RELL1: variants seen among roughly 807,000 people sequenced by gnomAD.
RELL1 encodes the protein RELT like 1.
In RELL1, 10 loss-of-function variants were observed where a neutral mutation model predicts 23.0. That is an observed-to-expected ratio of 0.43 (90% CI 0.27 to 0.74). RELL1 has a LOEUF of 0.74. RELL1 is among the 30% of genes least tolerant of loss of function. The pLI, the probability that RELL1 is intolerant of heterozygous loss-of-function variation, is 0.19. For missense variants in RELL1, 315 were observed against 364.4 expected (o/e 0.86, Z 1.10); for synonymous variants, 146 against 146.8 (o/e 0.99, Z 0.04).
At chr4:37,676,912 C>T (rs928867378) in intron 1 of RELL1, among the ~76,000 whole-genome samples, 25 of 152,098 alleles carry the variant, frequency 1.6e-4, no homozygotes, top group African/African-American at 5.3e-4. Flanking sequence ...CCTACAATGG[C>T]GAACAAGACA....
At chr4:37,620,647 T>G (rs768347153) in intron 6 of RELL1, among the ~76,000 whole-genome samples, 3 of 152,232 alleles carry the variant, frequency 2.0e-5, no homozygotes, top group African/African-American at 7.2e-5. Flanking sequence ...AAGTTAGATA[T>G]TGCCTCTCTA....
chr4:37,627,475 T>A (rs1719991380), intron 6 of RELL1, among the ~76,000 whole-genome samples: 1 of 152,084 alleles, frequency 6.6e-6, no homozygotes, highest in African/African-American at 2.4e-5. Context: ...ATTGCCAAAA[T>A]AAATCAGGCA....
At chr4:37,600,421 A>G (rs1388917458) in intron 6 of RELL1, among the ~76,000 whole-genome samples, 1 of 152,134 alleles carries the variant, frequency 6.6e-6, no homozygotes, top group African/African-American at 2.4e-5. Context: ...TAATAATACT[A>G]ATTTCTAAAC....
chr4:37,622,141 T>C (rs1719789453), intron 6 of RELL1, among the ~76,000 whole-genome samples: 1 of 152,206 alleles, frequency 6.6e-6, no homozygotes, highest in African/African-American at 2.4e-5. Context: ...CAGTCATTTG[T>C]GAGTAAGACA....
At chr4:37,640,813 T>C (rs1720506082) in intron 3 of RELL1, among the ~76,000 whole-genome samples, 1 of 152,188 alleles carries the variant, frequency 6.6e-6, no homozygotes, top group South Asian at 2.1e-4. Flanking sequence ...CTGATGGATA[T>C]GGATGGCTGA....
chr4:37,612,340 A>AAAC lies in RELL1; in HGVS notation c.*1005_*1006insGTT, dbSNP rs1553872225. ...TAAAGGTTAAAAAAAAAAAAAAAACAAAAAAAAACAAAAAACCGGGTGCAG... is the reference window on the plus strand; with the variant it reads ...TAAAGGTTAAAAAAAAAAAAAAAACAAACAAAAAAAACAAAAAACCGGGTGCAG... On this transcript the variant is annotated 3_prime_UTR_variant, in exon 7 of 7. Coordinates refer to ENST00000454158, the MANE Select transcript of RELL1 (RefSeq NM_001085400.2). Among the ~76,000 whole-genome samples, 4 of 3,076 alleles carry AAAC rather than the reference A, an allele frequency of 1.3e-3. No homozygotes were observed. Among genetic ancestry groups the AAAC allele is most frequent in the Non-Finnish European group, 5.0e-3 (2 of 402 alleles). The allele number at this position is 3,076 out of a possible 152,430, so 2.0% of individuals were successfully genotyped here.
intron 5 of RELL1, among the ~76,000 whole-genome samples, chr4:37,633,047 GC>G (rs1720194620): frequency 6.6e-6 from 1 of 152,126 alleles, no homozygotes; most frequent in Admixed American, 6.6e-5. Context: ...CTGAAAAACA[GC>G]CTGGAATCAT....
At chr4:37,623,335 T>C (rs1719833373) in intron 6 of RELL1, 1 of 154,112 alleles carries the variant, frequency 6.5e-6, no homozygotes, top group Non-Finnish European at 1.4e-5. Context: ...CTGTGAGCTA[T>C]TGAGCTATGT....
At chr4:37,659,305 T>G (rs1345241597) in intron 1 of RELL1, among the ~76,000 whole-genome samples, 1 of 152,042 alleles carries the variant, frequency 6.6e-6, no homozygotes, top group Admixed American at 6.6e-5. Context: ...AAAGAAAACG[T>G]GAGATGAAAA....
At chr4:37,631,364 G>A in intron 6 of RELL1, 21 bp downstream of exon 6, 1 of 1,606,644 alleles carries the variant, frequency 6.2e-7, no homozygotes, top group Non-Finnish European at 8.5e-7. Context: ...TGCCCCCAAT[G>A]TCACCAAAAC....
rs193183744 is a variant in RELL1, at chr4:37,641,548, G to T, written c.386-3044C>A. 2.6e-5 allele frequency among the ~76,000 whole-genome samples: 4 copies of T among 152,262 alleles called. No individual in the cohort carries two copies. The East Asian group carries it at 7.7e-4, about 29-fold the overall frequency. On this transcript the variant is annotated intron_variant, in intron 3 of 6. Transcript: ENST00000454158. ...TTTTCTCCACACTTGCCGGCATTTT[G>T]TCAACTACACTTCCTTTCCCCACCT...
At chr4:37,602,095 C>T (rs1209980230) in intron 6 of RELL1, among the ~76,000 whole-genome samples, 1 of 151,796 alleles carries the variant, frequency 6.6e-6, no homozygotes, top group African/African-American at 2.4e-5. Context: ...CCTGTGCCTG[C>T]AGTCCCAGCT....
Position 37,603,818 on chromosome 4 carries a change from G to GTTGT in RELL1, c.*4-12605_*4-12602dup, listed in dbSNP as rs904272775. 1.4e-4 allele frequency among the ~76,000 whole-genome samples: 21 copies of GTTGT among 151,608 alleles called. 1 individual carries two copies. The East Asian group carries it at 1.5e-3, about 11-fold the overall frequency. ...GTGCTGGTTGCTTTTTTTTGTTGTT[G>GTTGT]TTGTTTGTTTGTTTGTTTGAGACAG... is the stretch of plus-strand genomic sequence containing the variant. On this transcript the variant is annotated intron_variant, in intron 6 of 6. Coordinates refer to the RELL1 transcript ENST00000314117.
At chr4:37,622,938 G>C in intron 6 of RELL1, 2 of 404,304 alleles carry the variant, frequency 4.9e-6, no homozygotes, top group Non-Finnish European at 9.6e-6. Flanking sequence ...CCGAGTAGCT[G>C]GGACTACAGG....
At chr4:37,589,363 GCT>G (rs1718478414), downstream of RELL1, among the ~76,000 whole-genome samples, 1 of 152,048 alleles carries the variant, frequency 6.6e-6, no homozygotes, top group Non-Finnish European at 1.5e-5. Flanking sequence ...ATATAAATAA[GCT>G]GTATTCCACT....
At chr4:37,603,267 C>G (rs548521913) in intron 6 of RELL1, among the ~76,000 whole-genome samples, 3 of 152,304 alleles carry the variant, frequency 2.0e-5, no homozygotes, top group Admixed American at 2.0e-4. Flanking sequence ...CCACACCACC[C>G]CCTGGCCACG....
At chr4:37,610,414 C>A (rs1021821786), downstream of RELL1, among the ~76,000 whole-genome samples, 1 of 152,064 alleles carries the variant, frequency 6.6e-6, no homozygotes, top group Admixed American at 6.5e-5. The surrounding 1 kb of genome is among the most constrained non-coding windows in gnomAD (Gnocchi z 4.1). Context: ...TGCAGTAGGC[C>A]GGGGCTGAAC....
At position 37,603,155 on chromosome 4, in the gene RELL1, C is replaced by G. The variant is rs75928724; in HGVS notation, c.*4-11938G>C. ...TGAAGGAAGATACAGCACCAACCCC[C>G]CAACGGCCGTGCAGTTCTCCGATTC... On this transcript the variant is annotated intron_variant, in intron 6 of 6. Transcript: ENST00000314117. Among the ~76,000 whole-genome samples, 328 of 152,302 alleles carry G rather than the reference C, an allele frequency of 2.2e-3. 7 individuals are homozygous for G. In the South Asian group the frequency reaches 0.023, roughly 11 times the overall value.
Position 37,637,498 on chromosome 4 carries a change from CTT to C in RELL1, c.443+947_443+948del, listed in dbSNP as rs1276233880. 2.6e-5 allele frequency among the ~76,000 whole-genome samples: 4 copies of C among 152,346 alleles called. 1 individual carries two copies. In the East Asian group the frequency reaches 7.7e-4, roughly 29 times the overall value. ...CTTCTTCCTACAGCCAGCCCTGACT[CTT>C]GTCTCCACCTCCTGCACGCCTGGTT... is the stretch of plus-strand genomic sequence containing the variant. On this transcript the variant is annotated intron_variant, in intron 4 of 6. Coordinates refer to ENST00000454158, the MANE Select transcript of RELL1 (RefSeq NM_001085400.2).
Sources: gnomAD v4.1 joint callset for allele counts (sites outside exome capture counted in the v4.1 genomes callset) on GRCh38, gnomAD v4.1.1 for gene constraint, Gnocchi (gnomAD v3.1) non-coding constraint, MANE v1.5 for transcripts, NCBI Gene and HGNC (gene_info 2026-07-23, HGNC 2026-07-21) for gene names.